SV2B: variants seen among roughly 807,000 people sequenced by gnomAD.
SV2B encodes synaptic vesicle glycoprotein 2B.
SV2B carries 41 observed loss-of-function variants against 73.9 expected under a neutral mutation model. The ratio of observed to expected loss-of-function variants is 0.56; its 90% CI spans 0.43 to 0.72. The LOEUF is 0.72. Ranked by LOEUF, SV2B falls within the 30% of genes least tolerant of loss-of-function variation. The probability of loss-of-function intolerance (pLI) is 0.00; values close to 1 mark genes in which losing one functional copy is unlikely to be tolerated. For synonymous variants in SV2B, 314 were observed against 314.2 expected, an observed-to-expected ratio of 1.00 and a Z score of 0.01; for missense variants, 764 against 857.8, an observed-to-expected ratio of 0.89 and a Z score of 1.37.
In SV2B at chr15:91,239,527, C is replaced by T. The variant is rs1190518869; in HGVS notation, c.452-12292C>T. ...AAACTGAGCCCCAAGGAGAAAGTGA[C>T]TTGGTCAAGGTCATATACTCTCAGA... On this transcript the variant is annotated intron_variant, in intron 2 of 12. Transcript: ENST00000394232. The surrounding 1 kb of genome is among the most constrained non-coding windows in gnomAD (Gnocchi z 5.1). 6.6e-6 allele frequency among the ~76,000 whole-genome samples: 1 copy of T among 152,108 alleles called. No individual in the cohort carries two copies. Among genetic ancestry groups the T allele is most frequent in the Non-Finnish European group, 1.5e-5 (1 of 68,014 alleles).
rs1485104046 is a variant in SV2B, at chr15:91,283,846, TC to T, written c.1508-173del. 8.0e-6 allele frequency among the ~76,000 whole-genome samples: 1 copy of T among 124,530 alleles called. No individual in the cohort carries two copies. Among genetic ancestry groups the T allele is most frequent in the Non-Finnish European group, 1.7e-5 (1 of 59,790 alleles). The allele number at this position is 124,530 out of a possible 152,430, so 81.7% of individuals were successfully genotyped here. A position where few individuals can be genotyped will look rare whatever the true frequency, so the allele number is the denominator to read the frequency against. ...GTCATTACATTTTTGGAAGTTTCTC[TC>T]CTCATCCATACCTTGATGACATGGC... is the stretch of plus-strand genomic sequence containing the variant. On this transcript the variant is annotated intron_variant, in intron 10 of 12. Coordinates refer to ENST00000394232, the MANE Select transcript of SV2B (RefSeq NM_001323032.3). This position sits in a 1 kb window ranked among gnomAD's most constrained non-coding sequence, Gnocchi z 4.3.
At chr15:91,125,519 C>A (rs2042451837) in intron 1 of SV2B, among the ~76,000 whole-genome samples, 1 of 152,072 alleles carries the variant, frequency 6.6e-6, no homozygotes, top group Non-Finnish European at 1.5e-5. Flanking sequence ...CGCCTGTAAT[C>A]CAAGCACTTT....
At position 91,140,928 on chromosome 15, in the gene SV2B, C is replaced by G. The variant is rs2042979622; in HGVS notation, c.-392+40565C>G. Among the ~76,000 whole-genome samples, 1 of 151,964 alleles carries G rather than the reference C, an allele frequency of 6.6e-6. No individual in the cohort carries two copies. Among genetic ancestry groups the G allele is most frequent in the Admixed American group, 6.6e-5 (1 of 15,250 alleles). On this transcript the variant is annotated intron_variant, in intron 1 of 12. Coordinates refer to ENST00000394232, the MANE Select transcript of SV2B (RefSeq NM_001323032.3). This position sits in a 1 kb window ranked among gnomAD's most constrained non-coding sequence, Gnocchi z 4.4. ...GGCCACAGGCAGCAAAGAGAAACCA[C>G]ACAGCCTCAGATGAACATATGTTAA...
At chr15:91,150,322 A>G (rs200287470) in intron 1 of SV2B, among the ~76,000 whole-genome samples, 113 of 152,088 alleles carry the variant, frequency 7.4e-4, no homozygotes, top group African/African-American at 2.5e-3. Context: ...CTGTCTCTCT[A>G]TCACTCTTTG....
intron 2 of SV2B, among the ~76,000 whole-genome samples, chr15:91,249,042 G>A (rs1197876925): frequency 4.8e-5 from 7 of 144,804 alleles, no homozygotes; most frequent in Admixed American, 4.2e-4. Flanking sequence ...ACAATCACAC[G>A]TGCATGCATC....
intron 1 of SV2B, among the ~76,000 whole-genome samples, chr15:91,160,469 G>A (rs1349610561): frequency 5.3e-5 from 8 of 152,108 alleles, no homozygotes; most frequent in Non-Finnish European, 1.0e-4. Flanking sequence ...TTAGCTGAGC[G>A]TGGTGGTGCA....
intron 9 of SV2B, among the ~76,000 whole-genome samples, chr15:91,271,986 C>A (rs2048332472): frequency 6.6e-6 from 1 of 152,198 alleles, no homozygotes; most frequent in African/African-American, 2.4e-5. Context: ...AACAGAGCTT[C>A]ACCCACGGAA....
chr15:91,224,597 A>T lies in SV2B; in HGVS notation c.-391-1276A>T, dbSNP rs2046315859. ...TAATGTGACAGTCCCTCGGGGTAGC[A>T]TCTGGGAAGTATGAGGACATTGGAA... On this transcript the variant is annotated intron_variant, in intron 1 of 12. Coordinates refer to ENST00000394232, the MANE Select transcript of SV2B (RefSeq NM_001323032.3). This position sits in a 1 kb window ranked among gnomAD's most constrained non-coding sequence, Gnocchi z 4.9. Among the ~76,000 whole-genome samples, 1 of 152,198 alleles carries T rather than the reference A, an allele frequency of 6.6e-6. No individual in the cohort carries two copies. The highest frequency in any genetic ancestry group is 1.5e-5 in the Non-Finnish European group (1 of 68,040).
At chr15:91,186,092 G>T (rs1191795083) in intron 1 of SV2B, among the ~76,000 whole-genome samples, 1 of 152,062 alleles carries the variant, frequency 6.6e-6, no homozygotes, top group Non-Finnish European at 1.5e-5. Flanking sequence ...CTGAATAGGG[G>T]TGTGAATTTT....
At position 91,105,781 on chromosome 15, in the gene SV2B, G is replaced by C. The variant is rs985879264; in HGVS notation, c.-392+5418G>C. On this transcript the variant is annotated intron_variant, in intron 1 of 12. Transcript: ENST00000394232. This position sits in a 1 kb window ranked among gnomAD's most constrained non-coding sequence, Gnocchi z 5.5. Reference sequence around the variant, plus strand: ...ACCAGGCTGGATAGTACTTAAAATGGTGAGAAGTTGTAATCCCAGCATTTT... The same window carrying C: ...ACCAGGCTGGATAGTACTTAAAATGCTGAGAAGTTGTAATCCCAGCATTTT... 2.0e-5 allele frequency among the ~76,000 whole-genome samples: 3 copies of C among 152,212 alleles called. No homozygotes were observed. The highest frequency in any genetic ancestry group is 2.9e-5 in the Non-Finnish European group (2 of 68,038).
intron 2 of SV2B, 63 bp downstream of exon 2, chr15:91,226,777 A>C: frequency 6.5e-7 from 1 of 1,538,762 alleles, no homozygotes; most frequent in Non-Finnish European, 8.7e-7. Flanking sequence ...TTTATCTAGT[A>C]TCTGTCACTA....
In SV2B at chr15:91,124,952, C is replaced by A. The variant is rs1443532401; in HGVS notation, c.-392+24589C>A. Among the ~76,000 whole-genome samples the A allele has an allele frequency of 6.6e-6, 1 of 152,290 alleles. No homozygotes were observed. Among genetic ancestry groups the A allele is most frequent in the Admixed American group, 6.5e-5 (1 of 15,300 alleles). On this transcript the variant is annotated intron_variant, in intron 1 of 12. Coordinates refer to ENST00000394232, the MANE Select transcript of SV2B (RefSeq NM_001323032.3). This position sits in a 1 kb window ranked among gnomAD's most constrained non-coding sequence, Gnocchi z 4.6. ...TACAGGTGTGAGCCACTGCGCCCAG[C>A]CCAGAAATTTATTTCTGGTGGTTTT...
At chr15:91,158,633 C>CCTCTTCTCTT (rs368190783) in intron 1 of SV2B, among the ~76,000 whole-genome samples, 2,010 of 54,210 alleles carry the variant, frequency 0.037, 117 homozygotes, top group East Asian at 0.088. Context: ...TTTTATTTTC[C>CCTCTTCTCTT]CTCTTCTCTT....
At chr15:91,190,693 T>G (rs60336190) in intron 1 of SV2B, among the ~76,000 whole-genome samples, 12,720 of 152,308 alleles carry the variant, frequency 0.084, 824 homozygotes, top group African/African-American at 0.18. Flanking sequence ...TCTATGAAGC[T>G]TCTGGTACAT....
upstream of SV2B, chr15:91,100,213 T>G (rs1358397781): frequency 1.3e-5 from 2 of 152,038 alleles, no homozygotes; most frequent in South Asian, 2.1e-4. The surrounding 1 kb of genome is among the most constrained non-coding windows in gnomAD (Gnocchi z 6.4). Context: ...GGGGGCGGCG[T>G]GGGCGCGGTG....
chr15:91,209,634 T>C (rs1317887653), intron 1 of SV2B, among the ~76,000 whole-genome samples: 5 of 152,186 alleles, frequency 3.3e-5, no homozygotes, highest in Non-Finnish European at 7.4e-5. Flanking sequence ...AGCCCAGATA[T>C]GACTGCAGAG....
At chr15:91,273,900 CATT>C (rs986614258) in intron 9 of SV2B, among the ~76,000 whole-genome samples, 1 of 152,112 alleles carries the variant, frequency 6.6e-6, no homozygotes, top group Non-Finnish European at 1.5e-5. Flanking sequence ...GTATCATAAA[CATT>C]GTACAGCAGT....
Position 91,112,377 on chromosome 15 carries a change from G to A in SV2B, c.-392+12014G>A, listed in dbSNP as rs551167926. On this transcript the variant is annotated intron_variant, in intron 1 of 12. Transcript: ENST00000394232. ...CGATGTGTGGCCGGGTGTGAATTAA[G>A]CAGACCACAAGTTTGGTTTGGTCTT... Among the ~76,000 whole-genome samples, 4 of 152,314 alleles carry A rather than the reference G, an allele frequency of 2.6e-5. No individual in the cohort carries two copies. The East Asian group carries it at 7.7e-4, about 29-fold the overall frequency.
intron 2 of SV2B, 64 bp downstream of exon 2, chr15:91,226,778 T>G: frequency 6.5e-7 from 1 of 1,539,060 alleles, no homozygotes; most frequent in Non-Finnish European, 8.7e-7. Flanking sequence ...TTATCTAGTA[T>G]CTGTCACTAT....
Sources: allele counts gnomAD v4.1 joint callset (sites outside exome capture counted in the v4.1 genomes callset), GRCh38; gene constraint gnomAD v4.1.1; non-coding constraint Gnocchi (gnomAD v3.1); transcripts MANE v1.5; gene names NCBI Gene and HGNC (gene_info 2026-07-23, HGNC 2026-07-21).